Variants in EIF2B3 observed in about 807,000 individuals in gnomAD.
EIF2B3 encodes eukaryotic translation initiation factor 2B subunit gamma.
Under a neutral mutation model 54.1 loss-of-function variants are expected in EIF2B3, and 20 were observed. The ratio of observed to expected loss-of-function variants is 0.37; its 90% confidence interval spans 0.26 to 0.54. The LOEUF is 0.54. Among genes scored for constraint, EIF2B3 ranks in the 20% least tolerant of loss-of-function variants. The pLI, the probability that EIF2B3 is intolerant of heterozygous loss-of-function variation, is 0.86. For missense variants in EIF2B3, 448 were observed against 547.8 expected, an observed-to-expected ratio of 0.82 and a Z score of 1.82; for synonymous variants, 153 against 188.1, an observed-to-expected ratio of 0.81 and a Z score of 1.52.
At chr1:44,971,387 A>T (rs909293414) in intron 3 of EIF2B3, among the ~76,000 whole-genome samples, 3 of 151,832 alleles carry the variant, frequency 2.0e-5, no homozygotes, top group African/African-American at 7.3e-5. Context: ...AAAAAAAAAA[A>T]AAATCAAAGT....
intron 10 of EIF2B3, among the ~76,000 whole-genome samples, chr1:44,865,583 C>CT (rs762960217): frequency 9.2e-4 from 134 of 145,750 alleles, no homozygotes; most frequent in Middle Eastern, 3.6e-3. Context: ...TTGGTACCAA[C>CT]TTTTTTTTTT....
chr1:44,904,849 C>T (rs1259169643), intron 5 of EIF2B3, among the ~76,000 whole-genome samples: 1 of 152,182 alleles, frequency 6.6e-6, no homozygotes, highest in African/African-American at 2.4e-5. Context: ...AACAAAGAAG[C>T]ATCTTCTCTC....
At chr1:44,948,849 C>T (rs1644131573) in intron 3 of EIF2B3, among the ~76,000 whole-genome samples, 2 of 146,568 alleles carry the variant, frequency 1.4e-5, no homozygotes, top group African/African-American at 5.0e-5. Context: ...TTAACTTTTT[C>T]TTTTCTTTTC....
chr1:44,986,174 ATGTTGC>A (rs1644575233), intron 1 of EIF2B3, among the ~76,000 whole-genome samples: 1 of 139,924 alleles, frequency 7.1e-6, no homozygotes, highest in Non-Finnish European at 1.5e-5. Flanking sequence ...GAGTCTCACT[ATGTTGC>A]CCAGGCTGGA....
At chr1:44,968,080 AGGCCTGGTGCAGTGACTCT>A (rs1644364377) in intron 3 of EIF2B3, among the ~76,000 whole-genome samples, 1 of 151,666 alleles carries the variant, frequency 6.6e-6, no homozygotes, top group Non-Finnish European at 1.5e-5. Context: ...ATAAAAGAAA[AGGCCTGGTGCAGTGACTCT>A]TGCCTGTAAA....
chr1:44,894,947 C>T (rs1045304538), intron 6 of EIF2B3, among the ~76,000 whole-genome samples: 5 of 152,226 alleles, frequency 3.3e-5, no homozygotes, highest in Non-Finnish European at 7.3e-5. Context: ...CCATCTCCCA[C>T]AACCTTTCAA....
At chr1:44,972,869 T>C (rs1644416871) in intron 3 of EIF2B3, among the ~76,000 whole-genome samples, 2 of 151,840 alleles carry the variant, frequency 1.3e-5, no homozygotes, top group African/African-American at 4.8e-5. Context: ...TGAAACACCC[T>C]CATCTCAACA....
chr1:44,893,248 T>A (rs898391079), intron 6 of EIF2B3, among the ~76,000 whole-genome samples: 1 of 152,182 alleles, frequency 6.6e-6, no homozygotes, highest in Admixed American at 6.5e-5. Context: ...TCATTTTGTA[T>A]GTGGCTTTAA....
chr1:44,965,411 C>A (rs1644326524), intron 3 of EIF2B3, among the ~76,000 whole-genome samples: 1 of 151,998 alleles, frequency 6.6e-6, no homozygotes, highest in Non-Finnish European at 1.5e-5. Context: ...TTGAAAATAG[C>A]AGACCAAGTA....
chr1:44,930,505 G>C (rs868045897), intron 4 of EIF2B3, among the ~76,000 whole-genome samples: 28 of 152,208 alleles, frequency 1.8e-4, no homozygotes, highest in African/African-American at 5.6e-4. Flanking sequence ...GACTTCAAGA[G>C]ACTTTGTAGC....
chr1:44,927,145 A>T (rs1643863264), intron 4 of EIF2B3, among the ~76,000 whole-genome samples: 1 of 152,134 alleles, frequency 6.6e-6, no homozygotes, highest in Admixed American at 6.6e-5. Flanking sequence ...TCTCAAAAAA[A>T]AAAAACAGGA....
chr1:44,966,500 G>T (rs1229869507), intron 3 of EIF2B3, among the ~76,000 whole-genome samples: 1 of 150,362 alleles, frequency 6.7e-6, no homozygotes, highest in Non-Finnish European at 1.5e-5. Flanking sequence ...GCCAGGAGTA[G>T]AATCCAAATT....
At chr1:44,924,261 G>A (rs1344569419) in intron 5 of EIF2B3, among the ~76,000 whole-genome samples, 2 of 151,638 alleles carry the variant, frequency 1.3e-5, no homozygotes, top group Non-Finnish European at 2.9e-5. Context: ...TTTCTTAAAC[G>A]ATTTTCTTTT....
intron 3 of EIF2B3, among the ~76,000 whole-genome samples, chr1:44,973,335 G>A (rs1196958246): frequency 6.6e-6 from 1 of 152,158 alleles, no homozygotes; most frequent in African/African-American, 2.4e-5. Context: ...GCAAAATGTG[G>A]CATATCCATA....
At chr1:44,927,746 C>T (rs1643867238) in intron 4 of EIF2B3, among the ~76,000 whole-genome samples, 1 of 152,098 alleles carries the variant, frequency 6.6e-6, no homozygotes, top group Admixed American at 6.6e-5. Flanking sequence ...GGAGGAAATA[C>T]TTATTGACGT....
chr1:44,972,147 G>C (rs1418986054), intron 3 of EIF2B3, among the ~76,000 whole-genome samples: 9 of 151,982 alleles, frequency 5.9e-5, no homozygotes, highest in Non-Finnish European at 1.0e-4. Flanking sequence ...CCAGCACTTT[G>C]GGAGGCCAAG....
At position 44,881,637 on chromosome 1, in the gene EIF2B3, T is replaced by C; in HGVS notation, c.759A>G (p.Leu253=). ...CTAAGGACTTCAGCTCCTTTTTCTT[T>C]AGATCCTCCTCTTTTTCTTCTTGTC... ...QQGQEEKEED[L]KKKELKSLDI... is the part of the protein sequence containing the mutation. Residue 253 remains leucine, a synonymous_variant, in exon 7 of 12, where the codon CTA becomes CTG. Transcript: ENST00000360403. The surrounding 1 kb of genome is among the most constrained non-coding windows in gnomAD (Gnocchi z 4.0). 6.2e-7 allele frequency: 1 copy of C among 1,614,224 alleles called. No homozygotes were observed. The highest frequency in any genetic ancestry group is 8.5e-7 in the Non-Finnish European group (1 of 1,180,034).
intron 3 of EIF2B3, among the ~76,000 whole-genome samples, chr1:44,967,843 G>A (rs141220318): frequency 0.011 from 1,615 of 151,244 alleles, 32 homozygotes; most frequent in African/African-American, 0.037. Context: ...TTCGAGACCA[G>A]CCTGGCCAAC....
intron 5 of EIF2B3, among the ~76,000 whole-genome samples, chr1:44,915,364 T>C (rs543793783): frequency 3.9e-5 from 6 of 152,120 alleles, no homozygotes; most frequent in Admixed American, 1.3e-4. Context: ...TAGGCTGGAA[T>C]GCAATGGCAT....
Sources: allele counts gnomAD v4.1 joint callset (sites outside exome capture counted in the v4.1 genomes callset), GRCh38; gene constraint gnomAD v4.1.1; non-coding constraint Gnocchi (gnomAD v3.1); transcripts MANE v1.5; gene names NCBI Gene and HGNC (gene_info 2026-07-23, HGNC 2026-07-21).